The following PANX2 variants were observed in gnomAD, a reference collection of about 807,000 sequenced individuals.
PANX2 encodes pannexin-2.
In PANX2, 30 loss-of-function variants were observed where a neutral mutation model predicts 38.7. That is an observed-to-expected ratio of 0.78 (90% CI 0.58 to 1.05). The LOEUF is 1.05. PANX2 is among the 50% of genes least tolerant of loss of function. The probability of loss-of-function intolerance (pLI) is 0.00; values close to 1 mark genes in which losing one functional copy is unlikely to be tolerated. For missense variants in PANX2, 880 were observed against 979.3 expected, an observed-to-expected ratio of 0.90 and a Z score of 1.35; for synonymous variants, 539 against 472.1, an observed-to-expected ratio of 1.14 and a Z score of -1.84.
rs1218874483 is a variant in PANX2 at position 50,177,462 on chromosome 22, C to T, written c.750C>T (p.Ala250=). The T allele has an allele frequency of 6.2e-7, 1 of 1,608,796 alleles. No homozygotes were observed. The highest frequency in any genetic ancestry group is 1.7e-5 in the Admixed American group (1 of 59,304). ...VPISYLCTYY[A]TQKQNEFTCA... ...TCTCCTACCTGTGCACCTACTACGC[C>T]ACGCAGAAGCAGAACGAGTTCACCT... Residue 250 remains alanine (A), a synonymous_variant, in exon 2 of 3, where the codon GCC becomes GCT. Transcript: ENST00000395842.
At chr22:50,178,484 G>A in intron 2 of PANX2, 82 bp downstream of exon 2, 3 of 980,256 alleles carry the variant, frequency 3.1e-6, no homozygotes, top group Non-Finnish European at 2.8e-6. Flanking sequence ...CGGGAGCCTG[G>A]CCAGGGCGCT....
intron 1 of PANX2, among the ~76,000 whole-genome samples, chr22:50,173,918 AG>A: frequency 6.6e-6 from 1 of 151,834 alleles, no homozygotes; most frequent in African/African-American, 2.4e-5. Flanking sequence ...CAAGACCCCC[AG>A]CCTAGGCATG....
intron 1 of PANX2, among the ~76,000 whole-genome samples, chr22:50,173,231 C>A (rs2063644117): frequency 6.6e-6 from 1 of 152,156 alleles, no homozygotes; most frequent in African/African-American, 2.4e-5. Context: ...CGGGGTTTTG[C>A]CATGTTGGCC....
intron 1 of PANX2, among the ~76,000 whole-genome samples, chr22:50,174,033 G>A (rs772505404): frequency 3.9e-5 from 6 of 152,234 alleles, no homozygotes; most frequent in Non-Finnish European, 7.3e-5. Context: ...CAGACCCCAT[G>A]TGGAGGTCTG....
In PANX2 at chr22:50,172,685, G is replaced by A. The variant is rs567114518; in HGVS notation, c.226+1729G>A. Among the ~76,000 whole-genome samples the A allele has an allele frequency of 6.6e-5, 10 of 151,598 alleles. No homozygotes were observed. In the South Asian group the frequency reaches 8.3e-4, roughly 13 times the overall value. Reference sequence around the variant, plus strand: ...TTCCCAAAGTGCTGGGACTACAGGCGTGAGCCACTGTGCCCTTTTCTCTTC... The same window carrying A: ...TTCCCAAAGTGCTGGGACTACAGGCATGAGCCACTGTGCCCTTTTCTCTTC... On this transcript the variant is annotated intron_variant, in intron 1 of 2. Coordinates refer to ENST00000395842, the MANE Select transcript of PANX2 (RefSeq NM_052839.4).
In PANX2 at chr22:50,177,722, G is replaced by A; in HGVS notation, c.1010G>A (p.Arg337His). 6.2e-7 allele frequency: 1 copy of A among 1,609,928 alleles called. No individual in the cohort carries two copies. The change falls in exon 2 of 3, where the codon CGC becomes CAC. Residue 337 changes from arginine (R) to histidine (H), a missense_variant. Arg to His is a conservative substitution (Grantham distance 29). Around this residue, in one of 4 missense-constraint regions of PANX2, gnomAD observed 78 missense variants for 133.1 expected, o/e 0.59. Transcript: ENST00000395842. ...KVGIKTRRQW[R>H]RSQFCDINIL... Reference sequence around the variant, plus strand: ...GGCATCAAGACGCGCCGGCAGTGGCGCCGCTCGCAGTTCTGCGACATCAAC... The same window carrying A: ...GGCATCAAGACGCGCCGGCAGTGGCACCGCTCGCAGTTCTGCGACATCAAC...
Position 50,178,412 on chromosome 22 carries a change from G to C in PANX2, c.1690+10G>C, listed in dbSNP as rs543883859. 7.8e-4 allele frequency: 1,081 copies of C among 1,394,128 alleles called. 11 individuals are homozygous for C. In the African/African-American group the frequency reaches 0.015, roughly 20 times the overall value. The allele number at this position is 1,394,128 out of a possible 1,614,324, so 86.4% of individuals were successfully genotyped here. Reference sequence around the variant, plus strand: ...CCGGCGCCCATCAAAGGTAGGGGCAGGGCCGGAGAGAGGGGACGGGGGACT... The same window carrying C: ...CCGGCGCCCATCAAAGGTAGGGGCACGGCCGGAGAGAGGGGACGGGGGACT... On this transcript the variant is annotated intron_variant, in intron 2 of 2. Transcript: ENST00000395842.
intron 1 of PANX2, chr22:50,175,462 G>A: frequency 7.7e-7 from 1 of 1,299,550 alleles, no homozygotes. Context: ...TCCTGGGATT[G>A]GCTGTGAGGA....
rs2063669911 is a variant in PANX2, at chr22:50,177,584, C to T, written c.872C>T (p.Ala291Val). Residue 291 changes from alanine (A) to valine (V), a missense_variant, in exon 2 of 3, where the codon GCG becomes GTG. Coordinates refer to ENST00000395842, the MANE Select transcript of PANX2 (RefSeq NM_052839.4). ...LPSVQLQRII[A>V]GVDIVLLCVM... is the part of the protein sequence containing the mutation. ...TCCGTGCAACTGCAGCGCATCATCGCGGGCGTGGACATCGTGCTGCTGTGC... is the reference window on the plus strand; with the variant it reads ...TCCGTGCAACTGCAGCGCATCATCGTGGGCGTGGACATCGTGCTGCTGTGC... The T allele has an allele frequency of 6.2e-7, 1 of 1,612,748 alleles. No individual in the cohort carries two copies. Among genetic ancestry groups the T allele is most frequent in the South Asian group, 1.1e-5 (1 of 91,084 alleles).
intron 1 of PANX2, among the ~76,000 whole-genome samples, chr22:50,173,252 C>T (rs1212322566): frequency 3.3e-5 from 5 of 152,188 alleles, no homozygotes; most frequent in East Asian, 1.9e-4. Context: ...AGGCTGGTCT[C>T]GATCTCCTGA....
chr22:50,173,417 T>G (rs2063645374), intron 1 of PANX2, among the ~76,000 whole-genome samples: 1 of 152,266 alleles, frequency 6.6e-6, no homozygotes, highest in African/African-American at 2.4e-5. Flanking sequence ...TTCCTCTTTT[T>G]GGCTTCATCA....
Position 50,179,132 on chromosome 22 carries a change from C to A in PANX2, c.1889C>A (p.Thr630Lys). ...NATHPLLHIN[T>K]LYEAREEEDG... ...ACACACCCGCTGCTGCACATCAACA[C>A]GCTGTACGAGGCCCGGGAGGAGGAG... Residue 630 changes from threonine to lysine, a missense_variant, in exon 3 of 3, where the codon ACG becomes AAG. By Grantham distance (78) the Thr-to-Lys change is moderately conservative (BLOSUM62 -1). Transcript: ENST00000395842. 1 of 1,612,286 alleles carries A rather than the reference C, an allele frequency of 6.2e-7. No individual in the cohort carries two copies. Among genetic ancestry groups the A allele is most frequent in the Non-Finnish European group, 8.5e-7 (1 of 1,179,684 alleles).
chr22:50,177,267 G>T lies in PANX2; in HGVS notation c.555G>T (p.Pro185=), dbSNP rs1314862652. Residue 185 remains proline (P), a synonymous_variant, in exon 2 of 3, where the codon CCG becomes CCT. Transcript: ENST00000395842. ...KIEKQIQSKG[P]GITEREKREI... is the part of the protein sequence containing the mutation. The stretch of plus-strand genomic sequence containing the variant: ...AGAAGCAGATCCAGTCCAAGGGCCC[G>T]GGCATCACGGAGCGCGAGAAGCGCG... The T allele has an allele frequency of 6.2e-7, 1 of 1,612,204 alleles. No homozygotes were observed.
Position 50,179,067 on chromosome 22 carries a change from G to A in PANX2, c.1824G>A (p.Leu608=). 2 of 1,611,066 alleles carry A rather than the reference G, an allele frequency of 1.2e-6. No individual in the cohort carries two copies. The highest frequency in any genetic ancestry group is 4.5e-5 in the East Asian group (2 of 44,766). ...TGGCCCCTCTGACACCAGCCAGCCT[G>A]GGCAAGGCGGAGCCCCTCACCATCC... ...PAVAPLTPAS[L]GKAEPLTILS... Residue 608 remains leucine (L), a synonymous_variant, in exon 3 of 3, where the codon CTG becomes CTA. Coordinates refer to ENST00000395842, the MANE Select transcript of PANX2 (RefSeq NM_052839.4).
chr22:50,178,988 G>A lies in PANX2; in HGVS notation c.1745G>A (p.Gly582Glu), dbSNP rs1348296780. 1 of 1,607,714 alleles carries A rather than the reference G, an allele frequency of 6.2e-7. No individual in the cohort carries two copies. The highest frequency in any genetic ancestry group is 1.3e-5 in the African/African-American group (1 of 74,792). Residue 582 changes from glycine (G) to glutamate (E), a missense_variant, in exon 3 of 3, where the codon GGG becomes GAG. Gly to Glu is a moderately conservative substitution (Grantham distance 98, BLOSUM62 -2). Around this residue, in one of 4 missense-constraint regions of PANX2, gnomAD observed 445 missense variants for 404.3 expected, o/e 1.10. Coordinates refer to ENST00000395842, the MANE Select transcript of PANX2 (RefSeq NM_052839.4). ...TACCCCACAGAGCCAGCCCGGGCAG[G>A]GCTTCCCTCGGGGGGCCCGTTCCAC... ...IPYPTEPARAGLPSGGPFHVR... is the reference protein window; with the variant it reads ...IPYPTEPARAELPSGGPFHVR...
chr22:50,174,759 T>A (rs1212263363), intron 1 of PANX2, among the ~76,000 whole-genome samples: 1 of 152,174 alleles, frequency 6.6e-6, no homozygotes, highest in Non-Finnish European at 1.5e-5. Context: ...AGTCGCTGCG[T>A]GTGGGATGGG....
Position 50,170,885 on chromosome 22 carries a change from G to A in PANX2, c.155G>A (p.Arg52Gln). The A allele has an allele frequency of 1.3e-6, 2 of 1,518,210 alleles. No individual in the cohort carries two copies. The highest frequency in any genetic ancestry group is 1.8e-6 in the Non-Finnish European group (2 of 1,131,016). The allele number at this position is 1,518,210 out of a possible 1,614,324, so 94.0% of individuals were successfully genotyped here. A position where few individuals can be genotyped will look rare whatever the true frequency, so the allele number is the denominator to read the frequency against. The change falls in exon 1 of 3, where the codon CGG (arginine) becomes CAG (glutamine). Residue 52 changes from arginine (R) to glutamine (Q), a missense_variant. Physicochemically the swap from Arg to Gln is conservative, Grantham distance 43. Transcript: ENST00000395842. The stretch of plus-strand genomic sequence containing the variant: ...CTGAAGCTGGAGCTGCCGTTCGACC[G>A]GGTGGTCACCATCGGCACCGTGCTG... ...LQLKLELPFDRVVTIGTVLVP... is the reference protein window; with the variant it reads ...LQLKLELPFDQVVTIGTVLVP...
At chr22:50,176,915 C>T in intron 1 of PANX2, 24 bp from the exon 2 acceptor site, 2 of 1,505,494 alleles carry the variant, frequency 1.3e-6, no homozygotes, top group Non-Finnish European at 1.8e-6. Context: ...CCCGCCCCAG[C>T]CCGTGTCTCC....
intron 1 of PANX2, among the ~76,000 whole-genome samples, chr22:50,172,936 A>C (rs1018122512): frequency 7.4e-6 from 1 of 134,742 alleles, no homozygotes; most frequent in Non-Finnish European, 1.5e-5. Flanking sequence ...TCGCTCTGTC[A>C]CCCAGGCTGG....
Sources: allele counts gnomAD v4.1 joint callset (sites outside exome capture counted in the v4.1 genomes callset), GRCh38; gene constraint gnomAD v4.1.1; regional missense constraint gnomAD v4.1.1; transcripts MANE v1.5; gene names NCBI Gene and HGNC (gene_info 2026-07-23, HGNC 2026-07-21).